Variants in CTNNA3 observed in about 807,000 individuals in gnomAD.
CTNNA3 encodes catenin alpha 3, also known as catenin alpha-3.
In CTNNA3, 76 loss-of-function variants were observed where a neutral mutation model predicts 95.7. The observed-to-expected ratio is 0.79, with a 90% CI of 0.66 to 0.96. The LOEUF is 0.96. Among genes scored for constraint, CTNNA3 ranks in the 40% least tolerant of loss-of-function variants. The pLI is 0.00. For synonymous variants in CTNNA3, 431 were observed against 374.4 expected, an observed-to-expected ratio of 1.15 and a Z score of -1.74; for missense variants, 1,191 against 1,089.8, an observed-to-expected ratio of 1.09 and a Z score of -1.31.
intron 12 of CTNNA3, among the ~76,000 whole-genome samples, chr10:66,329,312 A>T (rs567383127): frequency 3.9e-4 from 59 of 151,950 alleles, no homozygotes; most frequent in African/African-American, 1.4e-3. Context: ...AATAGATTGG[A>T]TGATACCAAT....
chr10:66,086,642 T>C (rs575754611), intron 14 of CTNNA3, among the ~76,000 whole-genome samples: 1 of 152,224 alleles, frequency 6.6e-6, no homozygotes, highest in East Asian at 1.9e-4. Flanking sequence ...ACTATTCTTT[T>C]CTTAAAAAGA....
chr10:67,026,825 TA>T (rs1853420741), intron 7 of CTNNA3, among the ~76,000 whole-genome samples: 1 of 152,210 alleles, frequency 6.6e-6, no homozygotes, highest in African/African-American at 2.4e-5. Flanking sequence ...ATGTGTTAAT[TA>T]AAAGAGTTCA....
chr10:67,215,737 C>A (rs1352391956), intron 6 of CTNNA3, among the ~76,000 whole-genome samples: 1 of 152,170 alleles, frequency 6.6e-6, no homozygotes, highest in Admixed American at 6.5e-5. Flanking sequence ...ATTTCTCCAA[C>A]AAGGTGGTCA....
chr10:66,285,840 G>A (rs889806587), intron 12 of CTNNA3, among the ~76,000 whole-genome samples: 15 of 151,830 alleles, frequency 9.9e-5, no homozygotes, highest in African/African-American at 1.4e-4. Context: ...TAAGAAGTTC[G>A]TGCAACTGTT....
At chr10:67,474,410 T>C (rs928821150) in intron 5 of CTNNA3, among the ~76,000 whole-genome samples, 2 of 152,170 alleles carry the variant, frequency 1.3e-5, no homozygotes, top group Non-Finnish European at 2.9e-5. Flanking sequence ...GGAAAAACCA[T>C]GTGAGGATAC....
intron 1 of CTNNA3, among the ~76,000 whole-genome samples, chr10:67,719,744 T>G (rs147575231): frequency 6.6e-6 from 1 of 152,162 alleles, no homozygotes; most frequent in Non-Finnish European, 1.5e-5. Flanking sequence ...TTAGAATAAG[T>G]GCTATGTGGT....
In CTNNA3 at chr10:66,013,442, G is replaced by A. The variant is rs775078016; in HGVS notation, c.2160-24645C>T. Among the ~76,000 whole-genome samples the A allele has an allele frequency of 3.3e-5, 5 of 152,220 alleles. No individual in the cohort carries two copies. The South Asian group carries it at 1.0e-3, about 32-fold the overall frequency. On this transcript the variant is annotated intron_variant, in intron 15 of 17. Coordinates refer to ENST00000433211, the MANE Select transcript of CTNNA3 (RefSeq NM_013266.4). ...GCAAATTTTTAAATAGTGGATCTTA[G>A]AGCATGTGCATGATCTAGACCTGCA...
At chr10:66,978,933 AAT>A (rs1254861934) in intron 7 of CTNNA3, among the ~76,000 whole-genome samples, 1 of 150,406 alleles carries the variant, frequency 6.6e-6, no homozygotes, top group Non-Finnish European at 1.5e-5. Flanking sequence ...TCCCTTGTTA[AAT>A]AGCCACTCCT....
chr10:67,470,762 A>C (rs1847787015), intron 5 of CTNNA3, among the ~76,000 whole-genome samples: 1 of 151,902 alleles, frequency 6.6e-6, no homozygotes, highest in Non-Finnish European at 1.5e-5. Flanking sequence ...CCAGAAAAAA[A>C]CTTTGGGTTA....
At chr10:66,288,096 A>C (rs1052092779) in intron 12 of CTNNA3, among the ~76,000 whole-genome samples, 3 of 152,146 alleles carry the variant, frequency 2.0e-5, no homozygotes, top group African/African-American at 7.2e-5. Context: ...TTTTATATGC[A>C]GATATAAACA....
intron 1 of CTNNA3, among the ~76,000 whole-genome samples, chr10:67,757,821 G>C (rs975548809): frequency 1.3e-5 from 2 of 152,134 alleles, no homozygotes. Flanking sequence ...GATCGTGTGA[G>C]TCAATTCTCC....
chr10:67,514,895 C>A, intron 5 of CTNNA3, among the ~76,000 whole-genome samples: 1 of 152,172 alleles, frequency 6.6e-6, no homozygotes, highest in South Asian at 2.1e-4. Flanking sequence ...TAAATCTTCT[C>A]TGGTGCATGA....
At chr10:66,403,473 G>A (rs776146159) in intron 11 of CTNNA3, among the ~76,000 whole-genome samples, 5 of 152,072 alleles carry the variant, frequency 3.3e-5, no homozygotes, top group African/African-American at 7.2e-5. Context: ...GCAGGAGCAG[G>A]GGCAACTGCC....
chr10:66,244,813 A>G (rs2090244874), intron 13 of CTNNA3, among the ~76,000 whole-genome samples: 1 of 152,112 alleles, frequency 6.6e-6, no homozygotes, highest in African/African-American at 2.4e-5. Flanking sequence ...CAAATACCTA[A>G]CTCTTAAATG....
chr10:66,277,594 T>C (rs1340820504), intron 13 of CTNNA3, among the ~76,000 whole-genome samples: 1 of 152,102 alleles, frequency 6.6e-6, no homozygotes, highest in Non-Finnish European at 1.5e-5. Flanking sequence ...TAAGTGAGAA[T>C]TTATTTTTAT....
chr10:66,399,326 A>C (rs2093002498), intron 11 of CTNNA3, among the ~76,000 whole-genome samples: 1 of 151,730 alleles, frequency 6.6e-6, no homozygotes, highest in Non-Finnish European at 1.5e-5. Context: ...TGCACTAGTG[A>C]ATTTTCAACA....
intron 11 of CTNNA3, among the ~76,000 whole-genome samples, chr10:66,428,802 G>T (rs2093268001): frequency 6.6e-6 from 1 of 151,772 alleles, no homozygotes; most frequent in African/African-American, 2.4e-5. Flanking sequence ...GAGAAAGCAG[G>T]AAAGATCCAA....
intron 11 of CTNNA3, among the ~76,000 whole-genome samples, chr10:66,394,849 T>G (rs920786974): frequency 6.6e-6 from 1 of 152,036 alleles, no homozygotes; most frequent in Non-Finnish European, 1.5e-5. Flanking sequence ...ATCCCAGTAC[T>G]GTTTAAAATA....
At chr10:66,232,350 G>C (rs960248746) in intron 13 of CTNNA3, among the ~76,000 whole-genome samples, 8 of 151,980 alleles carry the variant, frequency 5.3e-5, no homozygotes, top group Admixed American at 5.2e-4. Flanking sequence ...CAGAGTCAAT[G>C]CAATGTACAT....
Sources: allele counts gnomAD v4.1 joint callset (sites outside exome capture counted in the v4.1 genomes callset), GRCh38; gene constraint gnomAD v4.1.1; transcripts MANE v1.5; gene names NCBI Gene and HGNC (gene_info 2026-07-23, HGNC 2026-07-21).